Variants in ECT2 observed in about 807,000 individuals in gnomAD.
ECT2 encodes the protein protein ECT2.
In ECT2, 61 loss-of-function variants were observed where a neutral mutation model predicts 116.9. The ratio of observed to expected loss-of-function variants is 0.52; its 90% CI spans 0.42 to 0.65. The LOEUF is 0.65. Among genes scored for constraint, ECT2 ranks in the 30% least tolerant of loss-of-function variants. The probability of loss-of-function intolerance (pLI) is 0.00; values close to 1 mark genes in which losing one functional copy is unlikely to be tolerated. For missense variants in ECT2, 937 were observed against 1,078.7 expected, an observed-to-expected ratio of 0.87 and a Z score of 1.84; for synonymous variants, 358 against 346.4, an observed-to-expected ratio of 1.03 and a Z score of -0.37.
At chr3:172,785,870 C>T (rs1018766421) in intron 17 of ECT2, among the ~76,000 whole-genome samples, 1 of 152,030 alleles carries the variant, frequency 6.6e-6, no homozygotes, top group Non-Finnish European at 1.5e-5. Context: ...ATTTGCATAC[C>T]TTCATTATTG....
At chr3:172,773,243 A>G (rs1678717898) in intron 13 of ECT2, among the ~76,000 whole-genome samples, 2 of 152,088 alleles carry the variant, frequency 1.3e-5, no homozygotes, top group Non-Finnish European at 2.9e-5. Flanking sequence ...ATGAACATAT[A>G]TTTATACTTA....
downstream of ECT2, among the ~76,000 whole-genome samples, chr3:172,823,716 C>A (rs1730776016): frequency 6.6e-6 from 1 of 151,904 alleles, no homozygotes; most frequent in Non-Finnish European, 1.5e-5. Flanking sequence ...TCTAAAAAAA[C>A]AATGTTCATA....
At chr3:172,796,336 A>G (rs887884105) in intron 18 of ECT2, 3 of 152,194 alleles carry the variant, frequency 2.0e-5, no homozygotes, top group Non-Finnish European at 4.4e-5. Flanking sequence ...TCAGGAGTGC[A>G]TTGATTGATA....
chr3:172,828,983 C>T, the ECT2 span: 3 of 1,181,052 alleles, frequency 2.5e-6, no homozygotes, highest in Admixed American at 5.2e-5. Context: ...GTTGCTGTGT[C>T]AATGTCCCAG....
chr3:172,823,565 A>G (rs557378184), downstream of ECT2, among the ~76,000 whole-genome samples: 62 of 152,338 alleles, frequency 4.1e-4, no homozygotes, highest in African/African-American at 1.4e-3. Flanking sequence ...CACACCTCAG[A>G]TAATACTGCA....
chr3:172,761,641 A>C lies in ECT2; in HGVS notation c.716A>C (p.Lys239Thr). The change falls in exon 8 of 25, where the codon AAG (lysine) becomes ACG (threonine). Residue 239 changes from lysine (K) to threonine (T), a missense_variant. Lys to Thr is a moderately conservative substitution (Grantham distance 78). Transcript: ENST00000392692. Reference sequence around the variant, plus strand: ...GTGAGTCTAGGTACTCCAATTATGAAGCCAGAATGGATTTATAAAGCTTGG... The same window carrying C: ...GTGAGTCTAGGTACTCCAATTATGACGCCAGAATGGATTTATAAAGCTTGG... ...VAVSLGTPIM[K>T]PEWIYKAWER... is the part of the protein sequence containing the mutation. 1 of 1,611,666 alleles carries C rather than the reference A, an allele frequency of 6.2e-7. No homozygotes were observed.
chr3:172,783,030 C>T (rs1333697138), intron 15 of ECT2, among the ~76,000 whole-genome samples: 1 of 152,004 alleles, frequency 6.6e-6, no homozygotes, highest in African/African-American at 2.4e-5. Context: ...ATTTTTCTCC[C>T]TTCTTAGTTG....
At chr3:172,793,793 A>T (rs1725123328) in intron 18 of ECT2, among the ~76,000 whole-genome samples, 1 of 152,094 alleles carries the variant, frequency 6.6e-6, no homozygotes, top group Non-Finnish European at 1.5e-5. Flanking sequence ...GTGACATTCT[A>T]ATAGATGTTT....
At position 172,761,284 on chromosome 3, in the gene ECT2, G is replaced by GT. The variant is rs533118392; in HGVS notation, c.685-325dup. On this transcript the variant is annotated intron_variant, in intron 7 of 24. Transcript: ENST00000392692. ...TAAGGTTTTAGTGACTTAGTCGGAT[G>GT]TCTTCTTCTGTAGTGCCATCTTGAG... is the stretch of plus-strand genomic sequence containing the variant. 2.7e-3 allele frequency among the ~76,000 whole-genome samples: 406 copies of GT among 152,220 alleles called. 1 individual carries two copies. Among genetic ancestry groups the GT allele is most frequent in the African/African-American group, 9.3e-3 (387 of 41,522 alleles).
downstream of ECT2, among the ~76,000 whole-genome samples, chr3:172,823,475 G>A (rs1187275769): frequency 6.6e-6 from 1 of 152,160 alleles, no homozygotes; most frequent in Non-Finnish European, 1.5e-5. Flanking sequence ...TGGTGGGGCT[G>A]TAGGTAAATG....
At chr3:172,751,820 T>C (rs1715903940) in intron 1 of ECT2, among the ~76,000 whole-genome samples, 1 of 152,196 alleles carries the variant, frequency 6.6e-6, no homozygotes, top group Non-Finnish European at 1.5e-5. Flanking sequence ...TTGTGCTTAT[T>C]TTAAAGGCTT....
downstream of ECT2, among the ~76,000 whole-genome samples, chr3:172,823,145 A>C (rs1730754874): frequency 6.6e-6 from 1 of 152,174 alleles, no homozygotes; most frequent in Non-Finnish European, 1.5e-5. Context: ...AATTTTCATC[A>C]ATTTAACCAA....
chr3:172,769,392 C>T (rs918265710), intron 13 of ECT2, among the ~76,000 whole-genome samples: 6 of 152,190 alleles, frequency 3.9e-5, no homozygotes, highest in South Asian at 4.1e-4. Flanking sequence ...TAGATGATCT[C>T]AGGAGTATCA....
intron 12 of ECT2, among the ~76,000 whole-genome samples, chr3:172,767,951 C>G (rs1412989016): frequency 6.6e-6 from 1 of 152,028 alleles, no homozygotes; most frequent in African/African-American, 2.4e-5. Context: ...AGGCTGGCCT[C>G]GAACTCCTGA....
intron 13 of ECT2, among the ~76,000 whole-genome samples, chr3:172,770,628 C>A (rs1720446883): frequency 6.6e-6 from 1 of 152,174 alleles, no homozygotes; most frequent in African/African-American, 2.4e-5. Context: ...GCCTGAGCCA[C>A]TGCACCCAGC....
chr3:172,759,756 C>T (rs1484895827), intron 6 of ECT2, among the ~76,000 whole-genome samples: 1 of 152,036 alleles, frequency 6.6e-6, no homozygotes, highest in African/African-American at 2.4e-5. Flanking sequence ...AAAGTTCTTT[C>T]TTTGGTTCAC....
Position 172,763,176 on chromosome 3 carries a change from G to T in ECT2, c.1068+204G>T, listed in dbSNP as rs377214916. ...ATTTTAACCTAATATATGTTGTTCT[G>T]TGCGAATTCTTGGTGATAACATTAC... On this transcript the variant is annotated intron_variant, in intron 11 of 24. Transcript: ENST00000392692. Among the ~76,000 whole-genome samples, 269 of 152,272 alleles carry T rather than the reference G, an allele frequency of 1.8e-3. 6 individuals carry two copies. Among genetic ancestry groups the T allele is most frequent in the African/African-American group, 6.3e-3 (261 of 41,558 alleles).
chr3:172,772,571 G>A (rs770812390), intron 13 of ECT2, among the ~76,000 whole-genome samples: 9 of 152,210 alleles, frequency 5.9e-5, no homozygotes, highest in African/African-American at 1.2e-4. Flanking sequence ...CATTCATAGC[G>A]TATTTTTTAA....
chr3:172,776,459 C>G (rs1721759875), intron 14 of ECT2, among the ~76,000 whole-genome samples: 1 of 151,992 alleles, frequency 6.6e-6, no homozygotes, highest in Non-Finnish European at 1.5e-5. Flanking sequence ...TTTCTTTATC[C>G]TCGTAACACA....
Sources: gnomAD v4.1 joint callset for allele counts (sites outside exome capture counted in the v4.1 genomes callset) on GRCh38, gnomAD v4.1.1 for gene constraint, MANE v1.5 for transcripts, NCBI Gene and HGNC (gene_info 2026-07-23, HGNC 2026-07-21) for gene names.